Variants in ALB observed in about 807,000 individuals in gnomAD.
ALB encodes albumin.
ALB carries 37 observed loss-of-function variants against 74.5 expected under a neutral mutation model. The observed-to-expected ratio is 0.50, with a 90% CI of 0.38 to 0.65. The LOEUF (loss-of-function observed/expected upper bound fraction) is 0.65. Ranked by LOEUF, ALB falls within the 30% of genes least tolerant of loss-of-function variation. The pLI, the probability that ALB is intolerant of heterozygous loss-of-function variation, is 0.00. For missense variants in ALB, 685 were observed against 718.7 expected (o/e 0.95, Z 0.54); for synonymous variants, 249 against 251.6 (o/e 0.99, Z 0.10).
At chr4:73,405,910 G>GT (rs1183433140) in intron 2 of ALB, among the ~76,000 whole-genome samples, 2 of 151,614 alleles carry the variant, frequency 1.3e-5, no homozygotes, top group Non-Finnish European at 2.9e-5. Flanking sequence ...TTTTAATCTA[G>GT]TAAAAAATGA....
chr4:73,416,156 T>C lies in ALB; in HGVS notation c.1192-100T>C, dbSNP rs56175082. ...ATTCATCTATTCATGTGGCTTTGAG[T>C]AGGAAGAAGAAAGGATATCATTCTG... On this transcript the variant is annotated intron_variant, in intron 9 of 14. Coordinates refer to ENST00000295897, the MANE Select transcript of ALB (RefSeq NM_000477.7). The C allele has an allele frequency of 4.2e-3, 3,505 of 834,164 alleles. 93 individuals carry two copies. The African/African-American group carries it at 0.052, about 12-fold the overall frequency. 51.7% of individuals were successfully genotyped at this position (834,164 alleles called of 1,614,324 possible).
chr4:73,404,997 C>A, intron 1 of ALB, 119 bp from the exon 2 acceptor site: 1 of 908,628 alleles, frequency 1.1e-6, no homozygotes, highest in Non-Finnish European at 1.8e-6. Flanking sequence ...GGAATCAGAG[C>A]CCAATATTTT....
Position 73,415,016 on chromosome 4 carries a change from T to C in ALB, c.1059-19T>C. On this transcript the variant is annotated intron_variant, in intron 8 of 14. Coordinates refer to ENST00000295897, the MANE Select transcript of ALB (RefSeq NM_000477.7). ...GCTCATTTGTCCAACAAAGTCTATT[T>C]TATTTTCATCTTAATTAGGTTTTTG... The C allele has an allele frequency of 1.2e-6, 2 of 1,613,522 alleles. No individual in the cohort carries two copies. The highest frequency in any genetic ancestry group is 2.2e-5 in the South Asian group (2 of 91,074).
Position 73,415,172 on chromosome 4 carries a change from G to C in ALB, c.1191+5G>C, listed in dbSNP as rs767644212. On this transcript the variant is annotated splice_donor_5th_base_variant and intron_variant, in intron 9 of 14. Transcript: ENST00000295897. ...CATGAATGCTATGCCAAAGTGGTAG[G>C]TTTATTGTTGGAAAAAAATGTAGTT... The C allele has an allele frequency of 6.2e-7, 1 of 1,613,926 alleles. No homozygotes were observed. Among genetic ancestry groups the C allele is most frequent in the Non-Finnish European group, 8.5e-7 (1 of 1,179,998 alleles).
At position 73,416,259 on chromosome 4, in the gene ALB, G is replaced by C. The variant is rs77514449; in HGVS notation, c.1195G>C (p.Asp399His). The change falls in exon 10 of 15, where the codon GAT becomes CAT. Residue 399 changes from aspartate (D) to histidine (H), a missense_variant. Physicochemically the swap from Asp to His is moderately conservative, Grantham distance 81. Transcript: ENST00000295897. The part of the protein sequence containing the change: ...DPHECYAKVF[D>H]EFKPLVEEPQ... ...ACACAATTCTTTTATGTTTCAGTTC[G>C]ATGAATTTAAACCTCTTGTGGAAGA... The C allele has an allele frequency of 8.7e-6, 14 of 1,612,642 alleles. No individual in the cohort carries two copies. Among genetic ancestry groups the C allele is most frequent in the Non-Finnish European group, 1.2e-5 (14 of 1,178,934 alleles).
At chr4:73,409,908 A>G (rs977213227) in intron 5 of ALB, among the ~76,000 whole-genome samples, 7 of 152,064 alleles carry the variant, frequency 4.6e-5, no homozygotes, top group African/African-American at 1.7e-4. Flanking sequence ...CCATAAATAT[A>G]TATTATGGAA....
At chr4:73,415,926 T>C (rs759993413) in intron 9 of ALB, among the ~76,000 whole-genome samples, 3 of 152,182 alleles carry the variant, frequency 2.0e-5, no homozygotes, top group Non-Finnish European at 4.4e-5. Context: ...CTCTATGAGA[T>C]GAGTGCCATC....
At chr4:73,409,215 A>G (rs762808469) in intron 4 of ALB, 140 bp from the exon 5 acceptor site, 1 of 870,584 alleles carries the variant, frequency 1.1e-6, no homozygotes, top group African/African-American at 1.7e-5. Context: ...CAGAGACAAG[A>G]CCATCATGTG....
intron 5 of ALB, 22 bp from the exon 6 acceptor site, chr4:73,410,290 A>G (rs1718838081): frequency 1.3e-6 from 2 of 1,595,708 alleles, no homozygotes; most frequent in African/African-American, 1.3e-5. Flanking sequence ...TCTAATTTTC[A>G]TCAAATTATT....
intron 2 of ALB, among the ~76,000 whole-genome samples, 198 bp from the exon 3 acceptor site, chr4:73,406,431 C>A (rs1718731194): frequency 6.6e-6 from 1 of 152,138 alleles, no homozygotes; most frequent in African/African-American, 2.4e-5. Flanking sequence ...AGGGAACTAC[C>A]ATTCTCTTTG....
Position 73,415,055 on chromosome 4 carries a change from G to T in ALB, c.1079G>T (p.Arg360Ile). 6.2e-7 allele frequency: 1 copy of T among 1,614,076 alleles called. No individual in the cohort carries two copies. The highest frequency in any genetic ancestry group is 8.5e-7 in the Non-Finnish European group (1 of 1,179,974). ...ATTAGGTTTTTGTATGAATATGCAA[G>T]AAGGCATCCTGATTACTCTGTCGTG... is the stretch of plus-strand genomic sequence containing the variant. ...FLGMFLYEYA[R>I]RHPDYSVVLL... The change falls in exon 9 of 15, where the codon AGA becomes ATA. Residue 360 changes from arginine to isoleucine, a missense_variant. By Grantham distance (97) the Arg-to-Ile change is moderately conservative. Coordinates refer to ENST00000295897, the MANE Select transcript of ALB (RefSeq NM_000477.7).
intron 8 of ALB, 149 bp from the exon 9 acceptor site, chr4:73,414,886 G>A (rs936767085): frequency 5.4e-6 from 5 of 920,118 alleles, no homozygotes; most frequent in African/African-American, 5.0e-5. Flanking sequence ...CTTTAACTCT[G>A]GACCCCAAGT....
intron 2 of ALB, among the ~76,000 whole-genome samples, chr4:73,406,249 A>C (rs1228342145): frequency 1.3e-5 from 2 of 152,050 alleles, no homozygotes; most frequent in Admixed American, 1.3e-4. Context: ...ACAGAGTGAG[A>C]CTCTGTCTCA....
At chr4:73,418,723 G>A (rs377429289) in intron 12 of ALB, among the ~76,000 whole-genome samples, 6 of 152,164 alleles carry the variant, frequency 3.9e-5, no homozygotes, top group African/African-American at 1.4e-4. Context: ...CCCAAGATGT[G>A]ACTTTTGAGA....
chr4:73,408,497 C>A, intron 3 of ALB, 97 bp from the exon 4 acceptor site: 3 of 1,093,478 alleles, frequency 2.7e-6, no homozygotes, highest in Non-Finnish European at 4.0e-6. Context: ...GATTTCCTGA[C>A]CAAGCTTAAC....
Position 73,415,178 on chromosome 4 carries a change from TG to T in ALB, c.1191+12del, listed in dbSNP as rs1560858457. ...TGCTATGCCAAAGTGGTAGGTTTAT[TG>T]TTGGAAAAAAATGTAGTTCTTTGAC... On this transcript the variant is annotated intron_variant, in intron 9 of 14. Coordinates refer to ENST00000295897, the MANE Select transcript of ALB (RefSeq NM_000477.7). The T allele has an allele frequency of 6.2e-7, 1 of 1,614,002 alleles. No homozygotes were observed. Among genetic ancestry groups the T allele is most frequent in the East Asian group, 2.2e-5 (1 of 44,880 alleles).
chr4:73,409,329 G>A, intron 4 of ALB, 26 bp from the exon 5 acceptor site: 1 of 1,608,336 alleles, frequency 6.2e-7, no homozygotes, highest in Non-Finnish European at 8.5e-7. Flanking sequence ...ATAGAAAAGT[G>A]ACTGTTTTTC....
At chr4:73,411,170 GA>G (rs1718865441) in intron 6 of ALB, among the ~76,000 whole-genome samples, 1 of 151,952 alleles carries the variant, frequency 6.6e-6, no homozygotes, top group South Asian at 2.1e-4. Context: ...ATGCTCTCTA[GA>G]AACTGTCAAT....
At chr4:73,415,432 CA>C (rs11427330) in intron 9 of ALB, 121 of 340,158 alleles carry the variant, frequency 3.6e-4, no homozygotes, top group East Asian at 6.0e-4. Context: ...ATCCTGAGAA[CA>C]AAAAAAAATT....
Sources: allele counts gnomAD v4.1 joint callset (sites outside exome capture counted in the v4.1 genomes callset), GRCh38; gene constraint gnomAD v4.1.1; transcripts MANE v1.5; gene names NCBI Gene and HGNC (gene_info 2026-07-23, HGNC 2026-07-21).